The following SLC26A8 variants were observed in gnomAD, a reference collection of about 807,000 sequenced individuals.
SLC26A8 encodes testis anion transporter 1.
SLC26A8 carries 70 observed loss-of-function variants against 105.0 expected under a neutral mutation model. The ratio of observed to expected loss-of-function variants is 0.67; its 90% CI spans 0.55 to 0.81. The LOEUF is 0.81. SLC26A8 is among the 40% of genes least tolerant of loss of function. The pLI is 0.00. For synonymous variants in SLC26A8, 415 were observed against 438.3 expected, an observed-to-expected ratio of 0.95 and a Z score of 0.66; for missense variants, 998 against 1,181.8, an observed-to-expected ratio of 0.84 and a Z score of 2.28.
chr6:36,011,169 G>T (rs1761846514), intron 3 of SLC26A8, among the ~76,000 whole-genome samples: 1 of 152,194 alleles, frequency 6.6e-6, no homozygotes. Flanking sequence ...ATTTTTTGAG[G>T]ATGAATTTGA....
At chr6:35,971,348 C>A (rs1246284648) in intron 10 of SLC26A8, among the ~76,000 whole-genome samples, 1 of 150,034 alleles carries the variant, frequency 6.7e-6, no homozygotes, top group Admixed American at 6.6e-5. Flanking sequence ...CATCACTTTT[C>A]CAGGCTTTCT....
intron 17 of SLC26A8, 78 bp from the exon 18 acceptor site, chr6:35,951,577 C>T (rs2127291082): frequency 6.5e-7 from 1 of 1,533,646 alleles, no homozygotes; most frequent in Non-Finnish European, 9.0e-7. Flanking sequence ...AAGTTTTTGT[C>T]TTGTTTTGTT....
At chr6:35,994,976 C>T (rs369886360) in intron 5 of SLC26A8, among the ~76,000 whole-genome samples, 135 of 152,306 alleles carry the variant, frequency 8.9e-4, no homozygotes, top group African/African-American at 3.1e-3. Flanking sequence ...TCAGTCCTGG[C>T]CCAGCCACTC....
rs149769574 is a variant in SLC26A8, at chr6:35,982,191, T to G, written c.955A>C (p.Thr319Pro). Reference protein sequence around the residue: ...PMELFLIIGFTVIANKISMAT... With the variant: ...PMELFLIIGFPVIANKISMAT... Reference sequence around the variant, plus strand: ...ATGCTTATCTTGTTTGCAATCACAGTGAAGCCAATAATCTGTAGGGGGTAA... The same window carrying G: ...ATGCTTATCTTGTTTGCAATCACAGGGAAGCCAATAATCTGTAGGGGGTAA... Residue 319 changes from threonine to proline, a missense_variant, in exon 8 of 20, where the codon ACT (threonine) becomes CCT (proline). Physicochemically the swap from Thr to Pro is conservative, Grantham distance 38. Coordinates refer to ENST00000490799, the MANE Select transcript of SLC26A8 (RefSeq NM_052961.4). 2.1e-5 allele frequency: 34 copies of G among 1,613,790 alleles called. No homozygotes were observed. The South Asian group carries it at 3.7e-4, about 18-fold the overall frequency.
chr6:35,943,695 C>A lies in SLC26A8; in HGVS notation c.*205G>T. The A allele has an allele frequency of 1.5e-6, 1 of 668,090 alleles. No homozygotes were observed. Among genetic ancestry groups the A allele is most frequent in the Non-Finnish European group, 2.4e-6 (1 of 416,490 alleles). The allele number at this position is 668,090 out of a possible 1,614,324, so 41.4% of individuals were successfully genotyped here. On this transcript the variant is annotated 3_prime_UTR_variant, in exon 20 of 20. Coordinates refer to ENST00000490799, the MANE Select transcript of SLC26A8 (RefSeq NM_052961.4). ...ATGAGGGGAGCCTGGATAGGGAATTCAGAGATAATTGTTGGCATTTAGTAA... is the reference window on the plus strand; with the variant it reads ...ATGAGGGGAGCCTGGATAGGGAATTAAGAGATAATTGTTGGCATTTAGTAA...
intron 14 of SLC26A8, 125 bp from the exon 15 acceptor site, chr6:35,959,931 CAG>C: frequency 1.3e-6 from 1 of 770,854 alleles, no homozygotes; most frequent in South Asian, 1.8e-5. Flanking sequence ...TTTTTTGAGA[CAG>C]AGTCTCACTC....
chr6:36,002,222 TA>T (rs200862777), intron 3 of SLC26A8, among the ~76,000 whole-genome samples: 97 of 152,300 alleles, frequency 6.4e-4, no homozygotes, highest in African/African-American at 2.0e-3. Context: ...GGAACCGAAC[TA>T]AAAAGCCATC....
rs754727307 is a variant in SLC26A8, at chr6:35,977,303, A to T, written c.1074T>A (p.Ile358=). 6.2e-7 allele frequency: 1 copy of T among 1,614,084 alleles called. No homozygotes were observed. Among genetic ancestry groups the T allele is most frequent in the East Asian group, 2.2e-5 (1 of 44,868 alleles). ...TPDFSLLPKI[I]LQAFSLSLVS... is the part of the protein sequence containing the mutation. ...CCAAAGATAAGGAGAAGGCTTGTAA[A>T]ATTATCTTGGGAAGAAGGCTGAAAT... Residue 358 remains isoleucine, a synonymous_variant, in exon 9 of 20, where the codon ATT becomes ATA. Coordinates refer to ENST00000490799, the MANE Select transcript of SLC26A8 (RefSeq NM_052961.4).
At chr6:35,970,765 C>T (rs529091215) in intron 10 of SLC26A8, among the ~76,000 whole-genome samples, 3 of 152,224 alleles carry the variant, frequency 2.0e-5, no homozygotes, top group African/African-American at 7.2e-5. Flanking sequence ...GTGGCTCGCA[C>T]CTGTAATCCC....
At chr6:35,974,906 G>GTT (rs77148160) in intron 10 of SLC26A8, among the ~76,000 whole-genome samples, 33 of 141,142 alleles carry the variant, frequency 2.3e-4, no homozygotes, top group African/African-American at 7.5e-4. Flanking sequence ...CCAGCTAATT[G>GTT]TTTTTTTTTT....
At chr6:36,021,303 G>A (rs1300042834) in intron 1 of SLC26A8, among the ~76,000 whole-genome samples, 1 of 152,102 alleles carries the variant, frequency 6.6e-6, no homozygotes. Context: ...AGGTAGAACT[G>A]TATATTGAAA....
At position 35,968,968 on chromosome 6, in the gene SLC26A8, G is replaced by A. The variant is rs373183727; in HGVS notation, c.1288-14C>T. The A allele has an allele frequency of 6.2e-7, 1 of 1,610,114 alleles. No homozygotes were observed. Among genetic ancestry groups the A allele is most frequent in the Non-Finnish European group, 8.5e-7 (1 of 1,178,082 alleles). ...CAGAGATGCAAACTGAGGAGACAGA[G>A]CCAGTTGGAGAGAAACCATCAGGAA... On this transcript the variant is annotated splice_polypyrimidine_tract_variant and intron_variant, in intron 10 of 19. Coordinates refer to ENST00000490799, the MANE Select transcript of SLC26A8 (RefSeq NM_052961.4).
At chr6:36,013,296 A>G (rs895426497) in intron 2 of SLC26A8, among the ~76,000 whole-genome samples, 14 of 151,686 alleles carry the variant, frequency 9.2e-5, no homozygotes, top group Non-Finnish European at 2.1e-4. Flanking sequence ...TCCCGGGTTC[A>G]AGCAATTCTC....
intron 10 of SLC26A8, chr6:35,969,874 C>T (rs1292384876): frequency 6.6e-6 from 1 of 152,172 alleles, no homozygotes; most frequent in Non-Finnish European, 1.5e-5. Flanking sequence ...GCTCTGGATC[C>T]TATCCCAGTT....
At chr6:36,014,593 C>T (rs1761946007) in intron 2 of SLC26A8, among the ~76,000 whole-genome samples, 1 of 151,798 alleles carries the variant, frequency 6.6e-6, no homozygotes, top group African/African-American at 2.4e-5. Context: ...TAAAAAAACT[C>T]ACTTATGGCC....
chr6:35,983,681 A>C (rs1387524235), intron 7 of SLC26A8, among the ~76,000 whole-genome samples: 1 of 151,930 alleles, frequency 6.6e-6, no homozygotes, highest in Non-Finnish European at 1.5e-5. Flanking sequence ...CTTCCTAAGT[A>C]GCTGGGATTA....
intron 7 of SLC26A8, 77 bp from the exon 8 acceptor site, chr6:35,982,280 G>A: frequency 7.1e-7 from 1 of 1,413,370 alleles, no homozygotes; most frequent in Non-Finnish European, 9.9e-7. Context: ...AAGCAGAGTT[G>A]CCCATTGCCT....
chr6:35,992,206 G>T (rs1210346329), intron 6 of SLC26A8, among the ~76,000 whole-genome samples: 1 of 152,098 alleles, frequency 6.6e-6, no homozygotes, highest in Non-Finnish European at 1.5e-5. Flanking sequence ...TATAAGATAG[G>T]TAATGAGAAG....
chr6:35,989,665 A>G (rs1773673607), intron 7 of SLC26A8: 1 of 152,164 alleles, frequency 6.6e-6, no homozygotes, highest in African/African-American at 2.4e-5. Context: ...TTTGTGGACA[A>G]CAAAGTCATC....
Sources: allele counts gnomAD v4.1 joint callset (sites outside exome capture counted in the v4.1 genomes callset), GRCh38; gene constraint gnomAD v4.1.1; transcripts MANE v1.5; gene names NCBI Gene and HGNC (gene_info 2026-07-23, HGNC 2026-07-21).